The following HCN1 variants were observed in gnomAD, a reference collection of about 807,000 sequenced individuals.
The protein encoded by HCN1 is potassium/sodium hyperpolarization-activated cyclic nucleotide-gated channel 1.
Under a neutral mutation model 78.9 loss-of-function variants are expected in HCN1, and 13 were observed. The ratio of observed to expected loss-of-function variants is 0.16; its 90% CI spans 0.11 to 0.26. HCN1 has a LOEUF of 0.26. Ranked by LOEUF, HCN1 falls within the 10% of genes least tolerant of loss-of-function variation. HCN1 has a pLI of 1.00. For missense variants in HCN1, 810 were observed against 1,154.3 expected, an observed-to-expected ratio of 0.70 and a Z score of 4.32; for synonymous variants, 552 against 455.5, an observed-to-expected ratio of 1.21 and a Z score of -2.70.
At chr5:45,666,008 C>T (rs764265528) in intron 1 of HCN1, among the ~76,000 whole-genome samples, 101 of 152,080 alleles carry the variant, frequency 6.6e-4, no homozygotes, top group Non-Finnish European at 1.2e-3. Flanking sequence ...GTAATACTCT[C>T]CCCCCAAGTT....
intron 6 of HCN1, among the ~76,000 whole-genome samples, chr5:45,280,824 C>T (rs1403724667): frequency 3.3e-5 from 5 of 152,100 alleles, no homozygotes; most frequent in East Asian, 1.9e-4. Flanking sequence ...CTTCTTGGAA[C>T]GTTGTAAAGC....
chr5:45,430,125 G>T (rs181741090), intron 3 of HCN1, among the ~76,000 whole-genome samples: 323 of 152,040 alleles, frequency 2.1e-3, no homozygotes, highest in Middle Eastern at 6.8e-3. Flanking sequence ...TAATATAAAA[G>T]AATAAAACTC....
At chr5:45,553,556 A>G (rs1342763737) in intron 2 of HCN1, among the ~76,000 whole-genome samples, 2 of 151,894 alleles carry the variant, frequency 1.3e-5, no homozygotes, top group East Asian at 3.9e-4. Context: ...CCCATAGGGT[A>G]TTGGTTCCAA....
intron 4 of HCN1, among the ~76,000 whole-genome samples, chr5:45,368,300 G>C (rs1747276244): frequency 6.6e-6 from 1 of 151,930 alleles, no homozygotes; most frequent in South Asian, 2.1e-4. Context: ...TTAATCCATA[G>C]TCACTGCTAA....
intron 5 of HCN1, among the ~76,000 whole-genome samples, chr5:45,322,130 T>A (rs1005764362): frequency 5.9e-5 from 9 of 151,886 alleles, no homozygotes; most frequent in African/African-American, 1.4e-4. Flanking sequence ...ACAAATGTTT[T>A]AAGAGACAAC....
intron 2 of HCN1, among the ~76,000 whole-genome samples, chr5:45,527,724 C>T (rs1825325): frequency 0.97 from 147,171 of 152,108 alleles, 71,376 homozygotes; most frequent in East Asian, 1. Flanking sequence ...ACATTTTAAA[C>T]GTCTCTTTTC....
At position 45,396,472 on chromosome 5, in the gene HCN1, C is replaced by A; in HGVS notation, c.1230+20G>T. On this transcript the variant is annotated intron_variant, in intron 4 of 7. Coordinates refer to ENST00000303230, the MANE Select transcript of HCN1 (RefSeq NM_021072.4). ...CAGGTTAGCTGGTTAAAGACATTGG[C>A]GATAAATAAAACAAATTACCTTCTC... is the stretch of plus-strand genomic sequence containing the variant. 2 of 1,598,420 alleles carry A rather than the reference C, an allele frequency of 1.3e-6. No homozygotes were observed. Among genetic ancestry groups the A allele is most frequent in the South Asian group, 1.1e-5 (1 of 90,056 alleles).
rs201368368 is a variant in HCN1 at position 45,262,039 on chromosome 5, G to T, written c.2555C>A (p.Pro852Gln). The change falls in exon 8 of 8, where the codon CCG (proline) becomes CAG (glutamine). Residue 852 changes from proline (P) to glutamine (Q), a missense_variant. Pro to Gln is a moderately conservative substitution (Grantham distance 76). This residue lies in a region of HCN1 where 398 missense variants were observed against 381.3 expected (regional missense o/e 1.04). Coordinates refer to ENST00000303230, the MANE Select transcript of HCN1 (RefSeq NM_021072.4). ...FRQMSSGAIP[P>Q]NRGVPPAPPP... Reference sequence around the variant, plus strand: ...GGGTGCTGGAGGGACTCCTCGGTTCGGGGGGATGGCTCCCGACGACATCTG... The same window carrying T: ...GGGTGCTGGAGGGACTCCTCGGTTCTGGGGGATGGCTCCCGACGACATCTG... The T allele has an allele frequency of 1.4e-5, 23 of 1,613,904 alleles. No individual in the cohort carries two copies. The East Asian group carries it at 4.9e-4, about 34-fold the overall frequency.
At chr5:45,668,450 T>C (rs1746091718) in intron 1 of HCN1, among the ~76,000 whole-genome samples, 1 of 151,900 alleles carries the variant, frequency 6.6e-6, no homozygotes, top group Non-Finnish European at 1.5e-5. Context: ...CCGCCATGAT[T>C]GTAAGTTTCC....
intron 6 of HCN1, among the ~76,000 whole-genome samples, chr5:45,303,085 C>T (rs994723438): frequency 6.6e-6 from 1 of 152,078 alleles, no homozygotes; most frequent in Admixed American, 6.6e-5. Flanking sequence ...CATTTTGCAG[C>T]CTTCCTTAGG....
At chr5:45,693,744 A>G (rs1739956064) in intron 1 of HCN1, among the ~76,000 whole-genome samples, 1 of 152,144 alleles carries the variant, frequency 6.6e-6, no homozygotes, top group African/African-American at 2.4e-5. Flanking sequence ...AAGTGGGAAA[A>G]AGTTTAATTA....
intron 6 of HCN1, among the ~76,000 whole-genome samples, chr5:45,289,604 G>A (rs1227669940): frequency 6.6e-6 from 1 of 151,956 alleles, no homozygotes; most frequent in African/African-American, 2.4e-5. Flanking sequence ...GCTGAAACAG[G>A]GCAAGAGCAT....
intron 4 of HCN1, among the ~76,000 whole-genome samples, chr5:45,372,599 A>C: frequency 8.1e-6 from 1 of 123,178 alleles, no homozygotes; most frequent in East Asian, 2.3e-4. Context: ...ACATATAAAA[A>C]TATATAAAAC....
chr5:45,299,998 G>T (rs958272993), intron 6 of HCN1, among the ~76,000 whole-genome samples: 1 of 151,946 alleles, frequency 6.6e-6, no homozygotes, highest in South Asian at 2.1e-4. Context: ...GATATTCAGT[G>T]ATGTGATTCA....
intron 2 of HCN1, among the ~76,000 whole-genome samples, chr5:45,613,548 C>T (rs1744884723): frequency 6.6e-6 from 1 of 151,968 alleles, no homozygotes; most frequent in South Asian, 2.1e-4. Flanking sequence ...TTGTGGAAGT[C>T]AGTGTGGCGA....
intron 7 of HCN1, among the ~76,000 whole-genome samples, chr5:45,264,647 T>A (rs1007100135): frequency 2.6e-5 from 4 of 152,198 alleles, no homozygotes; most frequent in African/African-American, 7.2e-5. Context: ...TTATTTAGCA[T>A]ATTTGCTTAA....
intron 1 of HCN1, among the ~76,000 whole-genome samples, chr5:45,666,128 A>G (rs1312527280): frequency 6.6e-6 from 1 of 152,092 alleles, no homozygotes; most frequent in African/African-American, 2.4e-5. Flanking sequence ...TGTGTAGCCT[A>G]TGAATCTTAG....
chr5:45,358,206 CATAAGT>C (rs147864091), intron 4 of HCN1, among the ~76,000 whole-genome samples: 1 of 152,124 alleles, frequency 6.6e-6, no homozygotes, highest in Non-Finnish European at 1.5e-5. Context: ...CAATGGAAAT[CATAAGT>C]ATAATAACCA....
chr5:45,464,821 A>G (rs1379643127), intron 2 of HCN1, among the ~76,000 whole-genome samples: 1 of 152,116 alleles, frequency 6.6e-6, no homozygotes, highest in Non-Finnish European at 1.5e-5. Context: ...ACTTTACTCA[A>G]GAAAGATTTG....
Sources: gnomAD v4.1 joint callset for allele counts (sites outside exome capture counted in the v4.1 genomes callset) on GRCh38, gnomAD v4.1.1 for gene constraint, gnomAD v4.1.1 regional missense constraint, MANE v1.5 for transcripts, NCBI Gene and HGNC (gene_info 2026-07-23, HGNC 2026-07-21) for gene names.